HTR1F: variants seen among roughly 807,000 people sequenced by gnomAD.
HTR1F encodes the protein 5-hydroxytryptamine receptor 1F.
HTR1F carries 17 observed loss-of-function variants against 24.0 expected under a neutral mutation model. The ratio of observed to expected loss-of-function variants is 0.71; its 90% CI spans 0.48 to 1.06. HTR1F has a LOEUF of 1.06. Ranked by LOEUF, HTR1F falls within the 50% of genes least tolerant of loss-of-function variation. HTR1F has a pLI of 0.00. For synonymous variants in HTR1F, 186 were observed against 156.8 expected (o/e 1.19, Z -1.39); for missense variants, 391 against 427.8 (o/e 0.91, Z 0.76).
At chr3:87,889,225 A>G (rs1301771416) in intron 2 of HTR1F, among the ~76,000 whole-genome samples, 1 of 152,180 alleles carries the variant, frequency 6.6e-6, no homozygotes, top group Non-Finnish European at 1.5e-5. Context: ...TCCAGCCAGC[A>G]GAACCATAAG....
At chr3:87,952,602 G>A (rs764623273) in intron 2 of HTR1F, among the ~76,000 whole-genome samples, 1 of 151,936 alleles carries the variant, frequency 6.6e-6, no homozygotes, top group African/African-American at 2.4e-5. Context: ...ATATCTTCAC[G>A]TAGAAATTTA....
At chr3:87,978,890 G>GAGGGAGGAAGGAAGGA (rs1250443484) in intron 2 of HTR1F, among the ~76,000 whole-genome samples, 22 of 46,156 alleles carry the variant, frequency 4.8e-4, no homozygotes, top group East Asian at 3.9e-3. Flanking sequence ...GGGAGGGAGG[G>GAGGGAGGAAGGAAGGA]AGGAAGGAAG....
chr3:87,876,956 T>A (rs983404780), intron 2 of HTR1F, among the ~76,000 whole-genome samples: 1 of 152,318 alleles, frequency 6.6e-6, no homozygotes, highest in South Asian at 2.1e-4. Flanking sequence ...GTAAATTTTA[T>A]GATATGTGCT....
intron 2 of HTR1F, among the ~76,000 whole-genome samples, chr3:87,951,732 A>C (rs1704838019): frequency 6.6e-6 from 1 of 152,100 alleles, no homozygotes; most frequent in African/African-American, 2.4e-5. Flanking sequence ...GCAAATATAT[A>C]GTTATATGCA....
At chr3:87,917,185 A>G (rs1312628442) in intron 2 of HTR1F, among the ~76,000 whole-genome samples, 1 of 152,018 alleles carries the variant, frequency 6.6e-6, no homozygotes, top group South Asian at 2.1e-4. Context: ...GAGAAAACCT[A>G]TCAAAACCTC....
At chr3:87,956,690 G>T (rs1443630092) in intron 2 of HTR1F, among the ~76,000 whole-genome samples, 1 of 151,122 alleles carries the variant, frequency 6.6e-6, no homozygotes, top group Non-Finnish European at 1.5e-5. Flanking sequence ...AGAGCAGATG[G>T]TTTGTATATC....
At chr3:87,889,662 T>C (rs1706036138) in intron 2 of HTR1F, among the ~76,000 whole-genome samples, 2 of 152,186 alleles carry the variant, frequency 1.3e-5, no homozygotes, top group South Asian at 4.1e-4. Context: ...ATCCAAACTA[T>C]ATAAAATTTG....
intron 2 of HTR1F, among the ~76,000 whole-genome samples, chr3:87,890,735 A>C (rs1706061456): frequency 6.6e-6 from 1 of 152,152 alleles, no homozygotes; most frequent in East Asian, 1.9e-4. Flanking sequence ...TGTTGTTTCA[A>C]ATTATTCCAA....
intron 2 of HTR1F, among the ~76,000 whole-genome samples, chr3:87,866,165 T>C (rs887639940): frequency 6.6e-6 from 1 of 152,186 alleles, no homozygotes; most frequent in Non-Finnish European, 1.5e-5. Flanking sequence ...TAATCCAGTG[T>C]CCTAAGAAAG....
At chr3:87,841,775 C>T (rs1704810130) in intron 2 of HTR1F, among the ~76,000 whole-genome samples, 1 of 151,270 alleles carries the variant, frequency 6.6e-6, no homozygotes, top group Non-Finnish European at 1.5e-5. Flanking sequence ...TGGCGCGCTC[C>T]TGTAATCCCA....
chr3:87,873,192 T>A (rs1337864503), intron 2 of HTR1F, among the ~76,000 whole-genome samples: 2 of 151,524 alleles, frequency 1.3e-5, no homozygotes, highest in Non-Finnish European at 2.9e-5. Context: ...GGCCAAAAAG[T>A]GCCATTATCT....
At chr3:87,954,728 A>G (rs1704907676) in intron 2 of HTR1F, among the ~76,000 whole-genome samples, 1 of 151,648 alleles carries the variant, frequency 6.6e-6, no homozygotes, top group Non-Finnish European at 1.5e-5. Flanking sequence ...TGATATAAAC[A>G]TGTAAGGAGA....
chr3:87,812,281 AT>A (rs1212606261), intron 1 of HTR1F, among the ~76,000 whole-genome samples: 10 of 152,198 alleles, frequency 6.6e-5, no homozygotes, highest in East Asian at 3.8e-4. Flanking sequence ...TCCTAGGATT[AT>A]TTAATGGTTT....
chr3:87,832,045 C>A (rs1704590140), intron 2 of HTR1F, among the ~76,000 whole-genome samples: 1 of 152,082 alleles, frequency 6.6e-6, no homozygotes, highest in South Asian at 2.1e-4. Flanking sequence ...ACTTATCACA[C>A]AGGTGGTAAG....
intron 1 of HTR1F, among the ~76,000 whole-genome samples, chr3:87,809,925 A>C (rs895100321): frequency 6.6e-6 from 1 of 152,054 alleles, no homozygotes; most frequent in African/African-American, 2.4e-5. Context: ...AATATTATTA[A>C]ATTGTTTTTA....
chr3:87,916,363 G>A (rs1334619592), intron 2 of HTR1F, among the ~76,000 whole-genome samples: 1 of 147,622 alleles, frequency 6.8e-6, no homozygotes, highest in Non-Finnish European at 1.5e-5. Flanking sequence ...ATGAAGAATG[G>A]AATGGTACCT....
intron 2 of HTR1F, among the ~76,000 whole-genome samples, chr3:87,944,468 C>G (rs1704647101): frequency 6.6e-6 from 1 of 152,188 alleles, no homozygotes; most frequent in South Asian, 2.1e-4. Context: ...ACTGAATACC[C>G]ATTGTGGTTT....
chr3:87,847,429 T>A (rs1178267500), intron 2 of HTR1F, among the ~76,000 whole-genome samples: 1 of 151,900 alleles, frequency 6.6e-6, no homozygotes, highest in African/African-American at 2.4e-5. Flanking sequence ...TTTTACATAT[T>A]TATGGGAGTA....
chr3:87,981,245 A>T lies in HTR1F; in HGVS notation c.-42-9463A>T, dbSNP rs571545636. Among the ~76,000 whole-genome samples, 5 of 152,260 alleles carry T rather than the reference A, an allele frequency of 3.3e-5. No homozygotes were observed. In the South Asian group the frequency reaches 1.0e-3, roughly 32 times the overall value. On this transcript the variant is annotated intron_variant, in intron 2 of 2. Coordinates refer to ENST00000319595, the MANE Select transcript of HTR1F (RefSeq NM_001322209.2). ...AGTCTTACTCTGTCACCCAGGCTGG[A>T]GTGCAGTGGTGCAATCTCAGCTTAC...
Sources: gnomAD v4.1 joint callset for allele counts (sites outside exome capture counted in the v4.1 genomes callset) on GRCh38, gnomAD v4.1.1 for gene constraint, MANE v1.5 for transcripts, NCBI Gene and HGNC (gene_info 2026-07-23, HGNC 2026-07-21) for gene names.